Variants in CRTC3 observed in about 807,000 individuals in gnomAD.
CRTC3 encodes the protein CREB regulated transcription coactivator 3, also known as CREB-regulated transcription coactivator 3.
In CRTC3, 26 loss-of-function variants were observed where a neutral mutation model predicts 74.5. The observed-to-expected ratio is 0.35, with a 90% CI of 0.26 to 0.48. The LOEUF (loss-of-function observed/expected upper bound fraction) is 0.48, where lower values mean the gene tolerates loss of function less well. Among genes scored for constraint, CRTC3 ranks in the 20% least tolerant of loss-of-function variants. CRTC3 has a pLI of 0.99. For missense variants in CRTC3, 760 were observed against 787.3 expected (o/e 0.97, Z 0.41); for synonymous variants, 377 against 325.8 (o/e 1.16, Z -1.69).
intron 11 of CRTC3, among the ~76,000 whole-genome samples, chr15:90,633,777 C>CGAG (rs1174419637): frequency 1.3e-5 from 2 of 151,794 alleles, no homozygotes; most frequent in African/African-American, 4.8e-5. Flanking sequence ...TTCTCTCTCT[C>CGAG]CTCTTTTGCT....
chr15:90,556,958 C>CTATATATATA (rs6145675), intron 2 of CRTC3, among the ~76,000 whole-genome samples: 31 of 130,520 alleles, frequency 2.4e-4, no homozygotes, highest in East Asian at 4.5e-4. Flanking sequence ...CACCACATGG[C>CTATATATATA]TATATATATA....
intron 2 of CRTC3, among the ~76,000 whole-genome samples, chr15:90,575,683 TA>T (rs1967387788): frequency 6.6e-6 from 1 of 152,234 alleles, no homozygotes. Context: ...TGTCTATTCA[TA>T]CACCAGAATC....
intron 2 of CRTC3, among the ~76,000 whole-genome samples, chr15:90,572,118 C>T (rs1019794191): frequency 1.2e-4 from 17 of 145,596 alleles, no homozygotes; most frequent in Admixed American, 3.5e-4. Flanking sequence ...GCCAAGATTG[C>T]GCCATCGTAC....
chr15:90,569,468 C>T lies in CRTC3; in HGVS notation c.232-24168C>T, dbSNP rs372827867. ...CCAAGTAGCTGAGATCACAGGCATG[C>T]GCCACCACACCTGGCTAATTTTGTA... On this transcript the variant is annotated intron_variant, in intron 2 of 14. Coordinates refer to ENST00000268184, the MANE Select transcript of CRTC3 (RefSeq NM_022769.5). Among the ~76,000 whole-genome samples the T allele has an allele frequency of 4.3e-4, 41 of 95,916 alleles. 1 individual carries two copies. Among genetic ancestry groups the T allele is most frequent in the African/African-American group, 1.2e-3 (36 of 30,528 alleles). 62.9% of individuals were successfully genotyped at this position (95,916 alleles called of 152,430 possible).
chr15:90,574,192 T>G (rs530511981), intron 2 of CRTC3, among the ~76,000 whole-genome samples: 31 of 152,246 alleles, frequency 2.0e-4, no homozygotes, highest in Admixed American at 1.8e-3. Context: ...ATATATAAAC[T>G]TATTGGCCGG....
chr15:90,578,469 G>A (rs1460884648), intron 2 of CRTC3, among the ~76,000 whole-genome samples: 17 of 152,122 alleles, frequency 1.1e-4, no homozygotes, highest in Middle Eastern at 3.4e-3. Flanking sequence ...CAGGAGAATT[G>A]CTCGAACCCG....
chr15:90,638,923 G>T, intron 13 of CRTC3, 108 bp downstream of exon 13: 1 of 930,502 alleles, frequency 1.1e-6, no homozygotes, highest in Non-Finnish European at 1.7e-6. Context: ...CCACTTTCCT[G>T]GTTCTGGTTG....
chr15:90,617,507 G>A (rs961430719), intron 7 of CRTC3, among the ~76,000 whole-genome samples: 52 of 152,212 alleles, frequency 3.4e-4, no homozygotes, highest in African/African-American at 1.2e-3. Flanking sequence ...AAGGTAGGTA[G>A]GATGGATGCT....
intron 2 of CRTC3, among the ~76,000 whole-genome samples, chr15:90,573,864 C>G (rs960948512): frequency 6.6e-6 from 1 of 152,194 alleles, no homozygotes; most frequent in Admixed American, 6.5e-5. Flanking sequence ...CAGGTGCAAC[C>G]ACTGTTGTCA....
intron 2 of CRTC3, among the ~76,000 whole-genome samples, chr15:90,544,010 AGTT>A (rs1393091337): frequency 1.3e-5 from 2 of 152,110 alleles, no homozygotes; most frequent in East Asian, 3.8e-4. Flanking sequence ...TGCGTGTGTT[AGTT>A]TCCTAGGGCT....
intron 2 of CRTC3, among the ~76,000 whole-genome samples, chr15:90,578,722 G>T (rs1464289813): frequency 1.3e-5 from 2 of 152,170 alleles, no homozygotes; most frequent in Admixed American, 6.5e-5. Context: ...TCGATTGTGA[G>T]GTGGGAACTG....
In CRTC3 at chr15:90,626,611, C is replaced by CTTT. The variant is rs922457681; in HGVS notation, c.967+634_967+636dup. 7.8e-4 allele frequency among the ~76,000 whole-genome samples: 104 copies of CTTT among 133,420 alleles called. 1 individual carries two copies. Among genetic ancestry groups the CTTT allele is most frequent in the African/African-American group, 1.8e-3 (63 of 34,178 alleles). 87.5% of individuals were successfully genotyped at this position (133,420 alleles called of 152,430 possible). ...GACTACATTTGTTTGAAGCCTGACA[C>CTTT]TTTTTTTTTTTTTTTTTTGAGATGG... On this transcript the variant is annotated intron_variant, in intron 10 of 14. Coordinates refer to ENST00000268184, the MANE Select transcript of CRTC3 (RefSeq NM_022769.5).
chr15:90,614,914 A>C (rs528501266), intron 7 of CRTC3, among the ~76,000 whole-genome samples: 148 of 152,120 alleles, frequency 9.7e-4, no homozygotes, highest in African/African-American at 3.3e-3. Flanking sequence ...AAATACAAAA[A>C]TTAGCCGGGC....
chr15:90,642,089 G>T lies in CRTC3; in HGVS notation c.1809G>T (p.Met603Ile), dbSNP rs745527771. ...DGLNMLSDSSMGLLDPSVEET... is the reference protein window; with the variant it reads ...DGLNMLSDSSIGLLDPSVEET... ...TCAACATGTTAAGTGACTCCAGCAT[G>T]GGCCTGCTGGACCCCTCTGTTGAAG... The change falls in exon 15 of 15, where the codon ATG becomes ATT. Residue 603 changes from methionine to isoleucine, a missense_variant. Physicochemically the swap from Met to Ile is conservative, Grantham distance 10. Coordinates refer to ENST00000268184, the MANE Select transcript of CRTC3 (RefSeq NM_022769.5). 4 of 1,613,950 alleles carry T rather than the reference G, an allele frequency of 2.5e-6. No homozygotes were observed. In the African/African-American group the frequency reaches 5.3e-5, roughly 22 times the overall value.
intron 13 of CRTC3, among the ~76,000 whole-genome samples, chr15:90,639,075 G>C (rs899103888): frequency 6.6e-6 from 1 of 152,150 alleles, no homozygotes; most frequent in African/African-American, 2.4e-5. Context: ...TTGTAGAACT[G>C]TAAAATCATG....
At chr15:90,583,092 C>G (rs2151074046) in intron 2 of CRTC3, among the ~76,000 whole-genome samples, 1 of 152,206 alleles carries the variant, frequency 6.6e-6, no homozygotes, top group African/African-American at 2.4e-5. Flanking sequence ...CCCACCTCGG[C>G]CTCCCAAAGT....
At chr15:90,624,321 G>T (rs754877566) in intron 9 of CRTC3, among the ~76,000 whole-genome samples, 3 of 151,848 alleles carry the variant, frequency 2.0e-5, no homozygotes, top group Non-Finnish European at 4.4e-5. Context: ...CTCTCCTTCT[G>T]CCTGCTGAGG....
At chr15:90,613,139 C>T (rs538834912) in intron 6 of CRTC3, among the ~76,000 whole-genome samples, 4 of 141,632 alleles carry the variant, frequency 2.8e-5, no homozygotes, top group Middle Eastern at 3.7e-3. Context: ...GCCAAGGTCA[C>T]GCCACCGCAC....
intron 2 of CRTC3, among the ~76,000 whole-genome samples, chr15:90,572,138 G>T (rs990738861): frequency 6.8e-6 from 1 of 146,450 alleles, no homozygotes; most frequent in African/African-American, 2.6e-5. Context: ...CTCCAGCGTG[G>T]CTGACAGAGC....
Sources: allele counts gnomAD v4.1 joint callset (sites outside exome capture counted in the v4.1 genomes callset), GRCh38; gene constraint gnomAD v4.1.1; transcripts MANE v1.5; gene names NCBI Gene and HGNC (gene_info 2026-07-23, HGNC 2026-07-21).